The following MGMT variants were observed in gnomAD, a reference collection of about 807,000 sequenced individuals.
The protein encoded by MGMT is O-6-methylguanine-DNA methyltransferase, also known as methylated-DNA--protein-cysteine methyltransferase.
In MGMT, 14 loss-of-function variants were observed where a neutral mutation model predicts 15.9. The ratio of observed to expected loss-of-function variants is 0.88; its 90% CI spans 0.58 to 1.37. The LOEUF (loss-of-function observed/expected upper bound fraction) is 1.37. Ranked by LOEUF, MGMT falls within the 40% of genes most tolerant of loss-of-function variation. MGMT has a pLI of 0.00. For missense variants in MGMT, 282 were observed against 268.1 expected, an observed-to-expected ratio of 1.05 and a Z score of -0.36; for synonymous variants, 130 against 118.2, an observed-to-expected ratio of 1.10 and a Z score of -0.65.
intron 2 of MGMT, among the ~76,000 whole-genome samples, chr10:129,567,701 T>C (rs1360617287): frequency 6.6e-6 from 1 of 152,222 alleles, no homozygotes; most frequent in Non-Finnish European, 1.5e-5. Flanking sequence ...AATGGTAGGT[T>C]ATTTTGTGTT....
chr10:129,626,144 C>A (rs994532907), intron 2 of MGMT, among the ~76,000 whole-genome samples: 5 of 152,092 alleles, frequency 3.3e-5, no homozygotes, highest in African/African-American at 1.2e-4. Context: ...TCTTTTTCAT[C>A]CTGAGGAACT....
chr10:129,564,780 C>T (rs970895743), intron 2 of MGMT, among the ~76,000 whole-genome samples: 48 of 150,852 alleles, frequency 3.2e-4, no homozygotes, highest in African/African-American at 1.1e-3. Flanking sequence ...TCCTTCCTCA[C>T]ACGCCCCCCT....
At chr10:129,646,297 G>A (rs754797240) in intron 2 of MGMT, among the ~76,000 whole-genome samples, 2 of 152,144 alleles carry the variant, frequency 1.3e-5, no homozygotes, top group Non-Finnish European at 2.9e-5. Context: ...GCTCAGAGCA[G>A]AGGGGGATTT....
At chr10:129,502,805 CT>C in intron 1 of MGMT, among the ~76,000 whole-genome samples, 1 of 152,130 alleles carries the variant, frequency 6.6e-6, no homozygotes, top group African/African-American at 2.4e-5. Flanking sequence ...GAGCAATAAA[CT>C]TTAGAACAAA....
chr10:129,492,295 C>T (rs1372170240), intron 1 of MGMT, among the ~76,000 whole-genome samples: 3 of 152,146 alleles, frequency 2.0e-5, no homozygotes, highest in African/African-American at 7.2e-5. Flanking sequence ...TGGTTCTCCC[C>T]TTAGAAGGTT....
chr10:129,635,864 G>A (rs891041784), intron 2 of MGMT, among the ~76,000 whole-genome samples: 4 of 152,150 alleles, frequency 2.6e-5, no homozygotes, highest in African/African-American at 9.7e-5. Context: ...TCAGAGATGA[G>A]AATAAGACAG....
At chr10:129,551,458 G>A (rs1846155623) in intron 2 of MGMT, among the ~76,000 whole-genome samples, 1 of 152,112 alleles carries the variant, frequency 6.6e-6, no homozygotes, top group Non-Finnish European at 1.5e-5. Flanking sequence ...TTCAGGAAGA[G>A]CATCAGCTGC....
At chr10:129,648,006 G>A (rs1441382595) in intron 2 of MGMT, among the ~76,000 whole-genome samples, 1 of 151,976 alleles carries the variant, frequency 6.6e-6, no homozygotes, top group Non-Finnish European at 1.5e-5. Flanking sequence ...TTTCCTTCAA[G>A]CCTTCAGCTC....
chr10:129,611,742 G>T (rs746519829), intron 2 of MGMT, among the ~76,000 whole-genome samples: 6 of 152,084 alleles, frequency 3.9e-5, no homozygotes, highest in Admixed American at 6.5e-5. Flanking sequence ...GGTGCGCTCT[G>T]GGGGGGCCAT....
chr10:129,729,912 T>C (rs1378927159), intron 3 of MGMT, among the ~76,000 whole-genome samples: 1 of 152,134 alleles, frequency 6.6e-6, no homozygotes, highest in African/African-American at 2.4e-5. Context: ...CCCCCTTAGA[T>C]TTGTCAGCAT....
intron 1 of MGMT, among the ~76,000 whole-genome samples, chr10:129,494,551 T>G (rs1473463528): frequency 6.6e-6 from 1 of 152,228 alleles, no homozygotes; most frequent in Non-Finnish European, 1.5e-5. Context: ...GTTTTTGCAA[T>G]GATGGAAATG....
intron 3 of MGMT, among the ~76,000 whole-genome samples, chr10:129,726,553 C>T (rs184183646): frequency 6.6e-6 from 1 of 152,330 alleles, no homozygotes; most frequent in East Asian, 1.9e-4. Flanking sequence ...GCAGACTGAG[C>T]AGGAACAGTG....
chr10:129,555,433 G>C (rs1013304446), intron 2 of MGMT, among the ~76,000 whole-genome samples: 4 of 152,174 alleles, frequency 2.6e-5, no homozygotes, highest in African/African-American at 9.7e-5. Context: ...TCCATAGGCC[G>C]GGCGTGGTGG....
chr10:129,749,599 T>C (rs1446632333), intron 3 of MGMT, among the ~76,000 whole-genome samples: 1 of 152,202 alleles, frequency 6.6e-6, no homozygotes, highest in Non-Finnish European at 1.5e-5. Flanking sequence ...GGCAGGTTTT[T>C]GTGAGGATGT....
intron 3 of MGMT, among the ~76,000 whole-genome samples, chr10:129,749,429 A>G (rs1202228957): frequency 6.6e-6 from 1 of 152,032 alleles, no homozygotes; most frequent in Non-Finnish European, 1.5e-5. Context: ...AGCAATATAC[A>G]TTTAGTTTTC....
chr10:129,663,048 G>A (rs375310083), intron 2 of MGMT, among the ~76,000 whole-genome samples: 4 of 152,082 alleles, frequency 2.6e-5, no homozygotes, highest in East Asian at 1.9e-4. Context: ...AACCTATCCC[G>A]TCACAGATAC....
chr10:129,721,473 T>G (rs1274447950), intron 3 of MGMT, among the ~76,000 whole-genome samples: 1 of 152,246 alleles, frequency 6.6e-6, no homozygotes, highest in African/African-American at 2.4e-5. Context: ...TAAGTGAACC[T>G]CACTAGAACT....
At chr10:129,473,476 C>G (rs908883978) in intron 1 of MGMT, among the ~76,000 whole-genome samples, 2 of 152,178 alleles carry the variant, frequency 1.3e-5, no homozygotes, top group African/African-American at 4.8e-5. Context: ...TATGAGGAAC[C>G]CGGGCCTCGG....
At chr10:129,694,686 C>T (rs1848010069) in intron 2 of MGMT, among the ~76,000 whole-genome samples, 1 of 152,118 alleles carries the variant, frequency 6.6e-6, no homozygotes, top group South Asian at 2.1e-4. Context: ...TAATTGGATT[C>T]TTCGCTGGGT....
Sources: gnomAD v4.1 joint callset for allele counts (sites outside exome capture counted in the v4.1 genomes callset) on GRCh38, gnomAD v4.1.1 for gene constraint, MANE v1.5 for transcripts, NCBI Gene and HGNC (gene_info 2026-07-23, HGNC 2026-07-21) for gene names.